The following AOPEP variants were observed in gnomAD, a reference collection of about 807,000 sequenced individuals.
AOPEP encodes aminopeptidase O.
In AOPEP, 77 loss-of-function variants were observed where a neutral mutation model predicts 98.1. That is an observed-to-expected ratio of 0.78 (90% CI 0.65 to 0.95). AOPEP has a LOEUF of 0.95. Among genes scored for constraint, AOPEP ranks in the 40% least tolerant of loss-of-function variants. AOPEP has a pLI of 0.00. For synonymous variants in AOPEP, 346 were observed against 365.3 expected, an observed-to-expected ratio of 0.95 and a Z score of 0.60; for missense variants, 1,024 against 1,024.7, an observed-to-expected ratio of 1.00 and a Z score of 0.01.
At chr9:94,735,694 T>C in intron 1 of AOPEP, among the ~76,000 whole-genome samples, 1 of 152,194 alleles carries the variant, frequency 6.6e-6, no homozygotes, top group Non-Finnish European at 1.5e-5. Flanking sequence ...GCCACAAAAT[T>C]CACTCTTTAA....
chr9:94,937,014 T>C (rs1013404076), intron 7 of AOPEP, among the ~76,000 whole-genome samples: 1 of 152,132 alleles, frequency 6.6e-6, no homozygotes, highest in East Asian at 1.9e-4. Context: ...TCTCCTAACT[T>C]TGGGGGGTTT....
At chr9:94,740,816 C>T (rs867115411) in intron 1 of AOPEP, among the ~76,000 whole-genome samples, 1 of 152,186 alleles carries the variant, frequency 6.6e-6, no homozygotes. Context: ...TGGAAAATTC[C>T]TGTGTTTTAG....
intron 13 of AOPEP, among the ~76,000 whole-genome samples, chr9:95,049,888 A>G (rs1194847659): frequency 2.0e-5 from 3 of 152,198 alleles, no homozygotes; most frequent in East Asian, 1.9e-4. Context: ...TTGATTGACT[A>G]TCAAGTACTT....
intron 7 of AOPEP, among the ~76,000 whole-genome samples, chr9:94,940,579 G>GT: frequency 6.6e-6 from 1 of 152,106 alleles, no homozygotes. Flanking sequence ...GGACAGCAAA[G>GT]TGAGACTCCA....
chr9:95,118,285 C>A, the AOPEP span, among the ~76,000 whole-genome samples: 1 of 152,218 alleles, frequency 6.6e-6, no homozygotes, highest in South Asian at 2.1e-4. Context: ...TCCCAAAGTG[C>A]TGGGGTTATA....
chr9:94,803,125 C>G (rs981119461), intron 5 of AOPEP, among the ~76,000 whole-genome samples: 11 of 152,142 alleles, frequency 7.2e-5, no homozygotes, highest in African/African-American at 2.7e-4. Context: ...AGAGAAACCT[C>G]AAGGCTAGGA....
At chr9:94,856,129 G>C (rs1331559408) in intron 5 of AOPEP, among the ~76,000 whole-genome samples, 2 of 152,170 alleles carry the variant, frequency 1.3e-5, no homozygotes, top group Non-Finnish European at 2.9e-5. Flanking sequence ...CTGGGAATGT[G>C]CCATGTCTGT....
At chr9:95,058,464 G>A (rs897555060) in intron 13 of AOPEP, among the ~76,000 whole-genome samples, 4 of 152,204 alleles carry the variant, frequency 2.6e-5, no homozygotes, top group Non-Finnish European at 4.4e-5. Context: ...TCTGGCAAAG[G>A]GTGTTTAGGG....
chr9:94,863,665 C>T (rs2045368097), intron 5 of AOPEP, among the ~76,000 whole-genome samples: 1 of 152,304 alleles, frequency 6.6e-6, no homozygotes, highest in East Asian at 1.9e-4. Flanking sequence ...ATCCACCCGC[C>T]TCGGCCTCCC....
chr9:95,135,056 A>T, the AOPEP span, among the ~76,000 whole-genome samples: 1 of 152,258 alleles, frequency 6.6e-6, no homozygotes, highest in Non-Finnish European at 1.5e-5. Flanking sequence ...TCCATGCTGA[A>T]ATAAGAAATA....
At chr9:95,086,297 G>A in intron 16 of AOPEP, 1 of 985,440 alleles carries the variant, frequency 1.0e-6, no homozygotes, top group Non-Finnish European at 1.2e-6. Context: ...GAGCTCCCAG[G>A]CCTGAAGGCA....
chr9:95,003,460 C>G (rs143038140), intron 11 of AOPEP, among the ~76,000 whole-genome samples: 13 of 152,140 alleles, frequency 8.5e-5, no homozygotes, highest in African/African-American at 2.9e-4. Flanking sequence ...GAAAAAAATT[C>G]TAGTGGGTAA....
intron 2 of AOPEP, among the ~76,000 whole-genome samples, chr9:94,767,846 T>C (rs1272758145): frequency 1.3e-5 from 2 of 152,186 alleles, no homozygotes; most frequent in East Asian, 3.9e-4. Context: ...TTCAGTATGA[T>C]TGATGAATTC....
intron 1 of AOPEP, among the ~76,000 whole-genome samples, chr9:94,732,479 G>T (rs67625382): frequency 0.22 from 33,143 of 152,024 alleles, 5,094 homozygotes; most frequent in African/African-American, 0.43. Context: ...AAATTTTTCA[G>T]GAATCTAGTC....
rs925705284 is a variant in AOPEP at position 94,861,525 on chromosome 9, C to T, written c.1364+60523C>T. On this transcript the variant is annotated intron_variant, in intron 5 of 16. Coordinates refer to ENST00000375315, the MANE Select transcript of AOPEP (RefSeq NM_001193329.3). ...CAGATTAAGCAACCAAGGTCAACAA[C>T]GACTTCCATGACAACAGAGCCAAGC... Among the ~76,000 whole-genome samples, 6 of 152,210 alleles carry T rather than the reference C, an allele frequency of 3.9e-5. No individual in the cohort carries two copies. The East Asian group carries it at 7.7e-4, about 20-fold the overall frequency.
Position 95,005,139 on chromosome 9 carries a change from G to A in AOPEP, c.1978-19G>A, listed in dbSNP as rs2061888801. 7.1e-6 allele frequency: 8 copies of A among 1,133,660 alleles called. No homozygotes were observed. The highest frequency in any genetic ancestry group is 5.4e-6 in the Non-Finnish European group (5 of 922,798). 70.2% of individuals were successfully genotyped at this position (1,133,660 alleles called of 1,614,324 possible). The stretch of plus-strand genomic sequence containing the variant: ...GGCCGCTCCCGCGGTAAACTTGACT[G>A]TGTCCTCTTCCCCCGCAGCCGCTGC... On this transcript the variant is annotated intron_variant, in intron 11 of 16. Coordinates refer to ENST00000375315, the MANE Select transcript of AOPEP (RefSeq NM_001193329.3).
intron 5 of AOPEP, among the ~76,000 whole-genome samples, chr9:94,896,423 A>G (rs1277913653): frequency 6.6e-6 from 1 of 152,206 alleles, no homozygotes; most frequent in African/African-American, 2.4e-5. Context: ...GACTGTGTAT[A>G]GTGACTTCCT....
At chr9:94,946,176 T>A (rs143407741) in intron 7 of AOPEP, among the ~76,000 whole-genome samples, 220 of 152,342 alleles carry the variant, frequency 1.4e-3, no homozygotes, top group African/African-American at 5.1e-3. Context: ...TTTAGTTTAG[T>A]TTTTTTGAAA....
the AOPEP span, among the ~76,000 whole-genome samples, chr9:95,138,171 GAGGACC>G: frequency 6.6e-6 from 1 of 152,268 alleles, no homozygotes; most frequent in Non-Finnish European, 1.5e-5. Context: ...CGAGGTCAGA[GAGGACC>G]AGGACTCGCA....
Sources: allele counts gnomAD v4.1 joint callset (sites outside exome capture counted in the v4.1 genomes callset), GRCh38; gene constraint gnomAD v4.1.1; transcripts MANE v1.5; gene names NCBI Gene and HGNC (gene_info 2026-07-23, HGNC 2026-07-21).